Variants in SP140 observed in about 807,000 individuals in gnomAD.
SP140 encodes SP140 nuclear body protein.
Under a neutral mutation model 125.0 loss-of-function variants are expected in SP140, and 81 were observed. The ratio of observed to expected loss-of-function variants is 0.65; its 90% CI spans 0.54 to 0.78. SP140 has a LOEUF of 0.78. Among genes scored for constraint, SP140 ranks in the 30% least tolerant of loss-of-function variants. The probability of loss-of-function intolerance (pLI) is 0.00; values close to 1 mark genes in which losing one functional copy is unlikely to be tolerated. For synonymous variants in SP140, 312 were observed against 354.0 expected (o/e 0.88, Z 1.33); for missense variants, 858 against 1,037.0 (o/e 0.83, Z 2.37).
At chr2:230,217,437 A>G (rs1044123840) in intron 3 of SP140, among the ~76,000 whole-genome samples, 2 of 152,192 alleles carry the variant, frequency 1.3e-5, no homozygotes, top group African/African-American at 4.8e-5. Context: ...ATGGAGGCTG[A>G]GAGTGACTGA....
the SP140 span, among the ~76,000 whole-genome samples, chr2:230,197,001 A>C: frequency 6.6e-6 from 1 of 152,212 alleles, no homozygotes; most frequent in Non-Finnish European, 1.5e-5. Flanking sequence ...CACAATAAAC[A>C]TACGTGTGCA....
chr2:230,314,982 A>G (rs1187079704), downstream of SP140, among the ~76,000 whole-genome samples: 4 of 152,260 alleles, frequency 2.6e-5, no homozygotes, highest in Admixed American at 6.5e-5. Context: ...CCTAAGGGGC[A>G]TGAATGTTAG....
chr2:230,197,504 T>C, the SP140 span, among the ~76,000 whole-genome samples: 4 of 148,292 alleles, frequency 2.7e-5, no homozygotes, highest in African/African-American at 9.9e-5. Flanking sequence ...GCCTGTTCAC[T>C]CTGATGGTAG....
At chr2:230,193,738 T>G in the SP140 span, among the ~76,000 whole-genome samples, 1 of 152,320 alleles carries the variant, frequency 6.6e-6, no homozygotes, top group East Asian at 1.9e-4. Flanking sequence ...TTTTTCATCC[T>G]TGCAAATAGT....
rs576056211 is a variant in SP140 at position 230,284,242 on chromosome 2, C to T, written c.1499-104C>T. On this transcript the variant is annotated intron_variant, in intron 15 of 26. Transcript: ENST00000392045. ...CATAAAGTATTTTGCCCCATTCCTG[C>T]GGACCAAAGTATGAAAAAAAATCTT... 8.8e-6 allele frequency: 10 copies of T among 1,142,610 alleles called. No homozygotes were observed. In the East Asian group the frequency reaches 1.3e-4, roughly 15 times the overall value. The allele number at this position is 1,142,610 out of a possible 1,614,324, so 70.8% of individuals were successfully genotyped here. A position where few individuals can be genotyped will look rare whatever the true frequency, so the allele number is the denominator to read the frequency against.
intron 22 of SP140, among the ~76,000 whole-genome samples, chr2:230,306,138 T>C (rs1350213724): frequency 6.6e-6 from 1 of 152,232 alleles, no homozygotes; most frequent in African/African-American, 2.4e-5. Flanking sequence ...AGTGGGTCCC[T>C]GTGCCCTGTG....
chr2:230,287,350 G>A lies in SP140; in HGVS notation c.1646-542G>A, dbSNP rs187987299. On this transcript the variant is annotated intron_variant, in intron 17 of 26. Transcript: ENST00000392045. ...TGTGCAGCATACATCTCACCTATGG[G>A]ACACCTAATAGGGTTTCCCTTAAGT... Among the ~76,000 whole-genome samples the A allele has an allele frequency of 5.9e-5, 9 of 152,250 alleles. No individual in the cohort carries two copies. In the East Asian group the frequency reaches 1.5e-3, roughly 26 times the overall value.
intron 4 of SP140, among the ~76,000 whole-genome samples, chr2:230,242,369 T>G (rs918685422): frequency 6.6e-6 from 1 of 152,226 alleles, no homozygotes; most frequent in African/African-American, 2.4e-5. Context: ...TTACAAGGGT[T>G]TATTCCATTA....
At chr2:230,220,608 C>T (rs1199008232) in intron 3 of SP140, among the ~76,000 whole-genome samples, 1 of 152,214 alleles carries the variant, frequency 6.6e-6, no homozygotes, top group East Asian at 1.9e-4. Flanking sequence ...CTGGGACCTG[C>T]TGATTCCAGA....
chr2:230,245,274 G>A (rs1481783997), intron 6 of SP140, among the ~76,000 whole-genome samples, 194 bp downstream of exon 6: 2 of 152,130 alleles, frequency 1.3e-5, no homozygotes, highest in East Asian at 3.9e-4. Context: ...CCTGGGCAGA[G>A]AGCTTAAGGG....
At chr2:230,254,720 C>T (rs1245761297) in intron 11 of SP140, among the ~76,000 whole-genome samples, 1 of 152,216 alleles carries the variant, frequency 6.6e-6, no homozygotes, top group Non-Finnish European at 1.5e-5. Flanking sequence ...TCTTCCTTTC[C>T]CCTTAGATGT....
chr2:230,195,593 G>A, the SP140 span, among the ~76,000 whole-genome samples: 1 of 152,116 alleles, frequency 6.6e-6, no homozygotes, highest in African/African-American at 2.4e-5. Context: ...GCCTCCCAAG[G>A]TGCTGGGATT....
At chr2:230,224,665 A>G (rs765596341), upstream of SP140, among the ~76,000 whole-genome samples, 5 of 152,350 alleles carry the variant, frequency 3.3e-5, no homozygotes, top group Middle Eastern at 6.8e-3. Context: ...TGCACTCTGT[A>G]TTTTGCAAAC....
chr2:230,246,376 C>T (rs1006265825), intron 7 of SP140, among the ~76,000 whole-genome samples: 8 of 152,122 alleles, frequency 5.3e-5, no homozygotes, highest in Non-Finnish European at 7.4e-5. Context: ...AATATTACCA[C>T]GTTGGGTAAC....
chr2:230,300,512 C>T (rs193041830), intron 22 of SP140, among the ~76,000 whole-genome samples: 3 of 152,224 alleles, frequency 2.0e-5, no homozygotes, highest in Non-Finnish European at 4.4e-5. Context: ...CAGCCCAGAA[C>T]CCAGTAGCTC....
At position 230,211,436 on chromosome 2, in the gene SP140, A is replaced by G; in HGVS notation, c.-322-2218A>G. 7.6e-7 allele frequency: 1 copy of G among 1,321,160 alleles called. No individual in the cohort carries two copies. Among genetic ancestry groups the G allele is most frequent in the Non-Finnish European group, 1.1e-6 (1 of 912,524 alleles). The allele number at this position is 1,321,160 out of a possible 1,614,324, so 81.8% of individuals were successfully genotyped here. ...TTCCTCTTAGTAAACACAGAAACAA[A>G]GGCAAGCTTTTAGGTTGACCAAACC... On this transcript the variant is annotated intron_variant, in intron 1 of 4. Transcript: ENST00000456542. The surrounding 1 kb of genome is among the most constrained non-coding windows in gnomAD (Gnocchi z 4.2).
At chr2:230,241,101 G>C (rs563021186) in intron 3 of SP140, among the ~76,000 whole-genome samples, 41 of 152,276 alleles carry the variant, frequency 2.7e-4, no homozygotes, top group African/African-American at 9.6e-4. Flanking sequence ...AGACAATACA[G>C]ACAAGTACAG....
intron 22 of SP140, among the ~76,000 whole-genome samples, chr2:230,306,679 T>G (rs1411363366): frequency 6.6e-6 from 1 of 152,238 alleles, no homozygotes; most frequent in East Asian, 1.9e-4. Context: ...TGCACATGCT[T>G]GGGGCAGAGC....
At chr2:230,201,577 T>C (rs182140669), upstream of SP140, among the ~76,000 whole-genome samples, 60 of 152,340 alleles carry the variant, frequency 3.9e-4, 1 homozygote, top group East Asian at 0.01. Flanking sequence ...CTTGAGTACA[T>C]ATCTGACATC....
Sources: allele counts gnomAD v4.1 joint callset (sites outside exome capture counted in the v4.1 genomes callset), GRCh38; gene constraint gnomAD v4.1.1; non-coding constraint Gnocchi (gnomAD v3.1); transcripts MANE v1.5; gene names NCBI Gene and HGNC (gene_info 2026-07-23, HGNC 2026-07-21).